SLC24A2: variants seen among roughly 807,000 people sequenced by gnomAD.
The protein encoded by SLC24A2 is sodium/potassium/calcium exchanger 2.
In SLC24A2, 36 loss-of-function variants were observed where a neutral mutation model predicts 62.0. That is an observed-to-expected ratio of 0.58 (90% CI 0.44 to 0.77). The LOEUF (loss-of-function observed/expected upper bound fraction) is 0.77, where lower values mean the gene tolerates loss of function less well. Ranked by LOEUF, SLC24A2 falls within the 30% of genes least tolerant of loss-of-function variation. SLC24A2 has a pLI of 0.00. For synonymous variants in SLC24A2, 358 were observed against 294.0 expected (o/e 1.22, Z -2.23); for missense variants, 846 against 817.9 (o/e 1.03, Z -0.42).
the SLC24A2 span, among the ~76,000 whole-genome samples, chr9:20,009,383 CAAAAAAAAA>C: frequency 8.9e-6 from 1 of 112,330 alleles, no homozygotes; most frequent in Non-Finnish European, 1.8e-5. Context: ...AACTCTGTCT[CAAAAAAAAA>C]AAAAAAAAAA....
chr9:20,120,049 C>T, the SLC24A2 span, among the ~76,000 whole-genome samples: 2 of 152,130 alleles, frequency 1.3e-5, no homozygotes, highest in Non-Finnish European at 2.9e-5. Context: ...TTCTAGAAAC[C>T]ACCCACATTT....
At chr9:20,190,956 A>T in the SLC24A2 span, among the ~76,000 whole-genome samples, 1 of 152,160 alleles carries the variant, frequency 6.6e-6, no homozygotes, top group South Asian at 2.1e-4. Context: ...GTACACAATT[A>T]TTTTTCCATG....
the SLC24A2 span, among the ~76,000 whole-genome samples, chr9:19,825,152 T>C: frequency 6.6e-6 from 1 of 152,180 alleles, no homozygotes; most frequent in Non-Finnish European, 1.5e-5. Flanking sequence ...TACCTGCATG[T>C]TCTGCACATG....
At chr9:19,804,791 G>C in the SLC24A2 span, among the ~76,000 whole-genome samples, 3 of 151,966 alleles carry the variant, frequency 2.0e-5, no homozygotes, top group Non-Finnish European at 2.9e-5. Flanking sequence ...ATCAGGCTGA[G>C]GAAGCTCCCT....
intron 2 of SLC24A2, among the ~76,000 whole-genome samples, chr9:19,720,756 C>A (rs1821001700): frequency 7.0e-6 from 1 of 142,478 alleles, no homozygotes; most frequent in Non-Finnish European, 1.5e-5. Flanking sequence ...TGACTCATCT[C>A]AATAACAAAC....
At chr9:20,140,247 G>T in the SLC24A2 span, among the ~76,000 whole-genome samples, 1 of 152,244 alleles carries the variant, frequency 6.6e-6, no homozygotes, top group Non-Finnish European at 1.5e-5. Context: ...CCGAGTTTTT[G>T]TCTTTTGTGG....
At chr9:19,678,139 A>C (rs915787082) in intron 2 of SLC24A2, among the ~76,000 whole-genome samples, 1 of 152,232 alleles carries the variant, frequency 6.6e-6, no homozygotes, top group East Asian at 1.9e-4. Context: ...GACTGTTATG[A>C]AGATTAAATG....
the SLC24A2 span, among the ~76,000 whole-genome samples, chr9:20,223,648 G>A: frequency 6.6e-6 from 1 of 152,102 alleles, no homozygotes; most frequent in African/African-American, 2.4e-5. Flanking sequence ...CAATGGACTA[G>A]GATAGAAAGA....
chr9:19,819,414 C>T, the SLC24A2 span, among the ~76,000 whole-genome samples: 2 of 152,022 alleles, frequency 1.3e-5, no homozygotes, highest in African/African-American at 4.8e-5. Context: ...AACAGACAAC[C>T]CACAGAGTGG....
the SLC24A2 span, among the ~76,000 whole-genome samples, chr9:20,085,763 T>C: frequency 1.3e-5 from 2 of 152,226 alleles, no homozygotes; most frequent in Admixed American, 1.3e-4. Context: ...CATAATAGTT[T>C]CCAAAATTTT....
At chr9:20,031,595 G>T in the SLC24A2 span, among the ~76,000 whole-genome samples, 2 of 152,004 alleles carry the variant, frequency 1.3e-5, no homozygotes, top group African/African-American at 4.8e-5. Flanking sequence ...AGATCACTAG[G>T]AATAACACCA....
intron 2 of SLC24A2, among the ~76,000 whole-genome samples, chr9:19,687,497 C>T (rs190208909): frequency 1.2e-4 from 18 of 152,198 alleles, no homozygotes; most frequent in African/African-American, 4.1e-4. Flanking sequence ...TCCCACATAT[C>T]AGGCCATAGC....
intron 2 of SLC24A2, among the ~76,000 whole-genome samples, chr9:19,631,524 TC>T (rs1203241948): frequency 6.6e-6 from 1 of 152,182 alleles, no homozygotes; most frequent in Non-Finnish European, 1.5e-5. Flanking sequence ...CTTGTAAGCT[TC>T]TTGAGTGAGG....
chr9:19,862,250 A>C, the SLC24A2 span, among the ~76,000 whole-genome samples: 1 of 152,170 alleles, frequency 6.6e-6, no homozygotes, highest in African/African-American at 2.4e-5. Context: ...GCAGCAGACT[A>C]TTCAGTGGAA....
the SLC24A2 span, among the ~76,000 whole-genome samples, chr9:20,306,229 A>G: frequency 1.3e-5 from 2 of 152,176 alleles, no homozygotes; most frequent in African/African-American, 4.8e-5. Context: ...ATGATTCTTT[A>G]ACTCCTTTGG....
At chr9:19,557,073 G>C (rs1835128674) in intron 7 of SLC24A2, among the ~76,000 whole-genome samples, 1 of 152,084 alleles carries the variant, frequency 6.6e-6, no homozygotes, top group Non-Finnish European at 1.5e-5. Flanking sequence ...ACCTGAGATG[G>C]AGTGACCTGC....
the SLC24A2 span, among the ~76,000 whole-genome samples, chr9:20,005,884 A>G: frequency 6.6e-6 from 1 of 151,126 alleles, no homozygotes; most frequent in African/African-American, 2.4e-5. Flanking sequence ...AAAAAGACAG[A>G]AAAGAAACAA....
the SLC24A2 span, among the ~76,000 whole-genome samples, chr9:20,043,506 G>C: frequency 1.3e-5 from 2 of 152,186 alleles, no homozygotes; most frequent in Non-Finnish European, 2.9e-5. Flanking sequence ...ATGCCATTAA[G>C]GGCATTTGTG....
At chr9:19,805,834 T>TAA in the SLC24A2 span, among the ~76,000 whole-genome samples, 1 of 141,450 alleles carries the variant, frequency 7.1e-6, no homozygotes, top group Non-Finnish European at 1.6e-5. Flanking sequence ...GGTCTGAGTT[T>TAA]TAAAAAAAAA....
Sources: gnomAD v4.1 joint callset for allele counts (sites outside exome capture counted in the v4.1 genomes callset) on GRCh38, gnomAD v4.1.1 for gene constraint, MANE v1.5 for transcripts, NCBI Gene and HGNC (gene_info 2026-07-23, HGNC 2026-07-21) for gene names.